The following DAB1 variants were observed in gnomAD, a reference collection of about 807,000 sequenced individuals.
The protein encoded by DAB1 is DAB adaptor protein 1, also known as disabled homolog 1.
Under a neutral mutation model 64.6 loss-of-function variants are expected in DAB1, and 15 were observed. The observed-to-expected ratio is 0.23, with a 90% CI of 0.16 to 0.36. DAB1 has a LOEUF of 0.36. Ranked by LOEUF, DAB1 falls within the 10% of genes least tolerant of loss-of-function variation. DAB1 has a pLI of 1.00. For synonymous variants in DAB1, 235 were observed against 251.9 expected, an observed-to-expected ratio of 0.93 and a Z score of 0.64; for missense variants, 596 against 706.7, an observed-to-expected ratio of 0.84 and a Z score of 1.78.
At chr1:58,091,787 A>G (rs1650671994) in intron 5 of DAB1, among the ~76,000 whole-genome samples, 1 of 151,922 alleles carries the variant, frequency 6.6e-6, no homozygotes. Context: ...AACTAGCACA[A>G]TTTTCTACCT....
chr1:57,691,947 T>C (rs541271775), intron 6 of DAB1, among the ~76,000 whole-genome samples: 2 of 152,224 alleles, frequency 1.3e-5, no homozygotes, highest in South Asian at 4.1e-4. Context: ...TGTCAGGCTT[T>C]CTGGGAAAGG....
Position 57,769,046 on chromosome 1 carries a change from T to C in DAB1, n.551+114953A>G, listed in dbSNP as rs929331843. ...CTTCACCCACCTACAGCCCTGTGTC[T>C]GTGGGGCCATTTCCAGCAGGAGCAC... On this transcript the variant is annotated intron_variant and non_coding_transcript_variant, in intron 6 of 20. Transcript: ENST00000485760. 3.3e-5 allele frequency among the ~76,000 whole-genome samples: 5 copies of C among 152,148 alleles called. No individual in the cohort carries two copies. The East Asian group carries it at 9.6e-4, about 29-fold the overall frequency.
chr1:57,279,293 T>G (rs541280194), intron 2 of DAB1, among the ~76,000 whole-genome samples: 1 of 152,348 alleles, frequency 6.6e-6, no homozygotes, highest in African/African-American at 2.4e-5. Flanking sequence ...TAGTATACTT[T>G]AAATCATCTC....
intron 7 of DAB1, among the ~76,000 whole-genome samples, chr1:57,570,531 G>A (rs1409065913): frequency 6.6e-6 from 1 of 152,006 alleles, no homozygotes; most frequent in Non-Finnish European, 1.5e-5. Flanking sequence ...CCATTGGTCT[G>A]TATGCCTATT....
intron 7 of DAB1, among the ~76,000 whole-genome samples, chr1:57,483,303 T>G (rs1239983995): frequency 1.3e-5 from 2 of 152,136 alleles, no homozygotes; most frequent in African/African-American, 4.8e-5. Flanking sequence ...GGGAGTCCAG[T>G]GGGAAATAAT....
intron 3 of DAB1, among the ~76,000 whole-genome samples, chr1:58,417,784 G>A (rs750527650): frequency 6.6e-6 from 1 of 152,170 alleles, no homozygotes; most frequent in Non-Finnish European, 1.5e-5. Context: ...TGTTAAATGA[G>A]GAAAGTAGCA....
intron 7 of DAB1, among the ~76,000 whole-genome samples, chr1:57,594,871 T>C (rs1461451993): frequency 2.6e-5 from 4 of 152,112 alleles, no homozygotes; most frequent in South Asian, 4.2e-4. Context: ...CCACCACGCC[T>C]GGCTAATTTT....
chr1:58,445,488 T>C (rs1645055173), intron 3 of DAB1, among the ~76,000 whole-genome samples: 1 of 152,212 alleles, frequency 6.6e-6, no homozygotes, highest in South Asian at 2.1e-4. Flanking sequence ...CTTCTTGGGC[T>C]GAGGCCTTCT....
chr1:57,260,248 T>A (rs1233558183), intron 2 of DAB1, among the ~76,000 whole-genome samples: 1 of 152,158 alleles, frequency 6.6e-6, no homozygotes, highest in Non-Finnish European at 1.5e-5. Flanking sequence ...TGATCATAAT[T>A]CAGTCTCAGT....
intron 3 of DAB1, among the ~76,000 whole-genome samples, chr1:58,428,813 AT>A (rs1644844059): frequency 6.6e-6 from 1 of 152,190 alleles, no homozygotes; most frequent in African/African-American, 2.4e-5. Context: ...ATTATCCATA[AT>A]TTTTTAAGGT....
At chr1:58,175,386 T>C (rs1403081008) in intron 4 of DAB1, among the ~76,000 whole-genome samples, 2 of 152,128 alleles carry the variant, frequency 1.3e-5, no homozygotes, top group African/African-American at 4.8e-5. Context: ...ACACCACCTT[T>C]AAGAACTGTA....
intron 1 of DAB1, among the ~76,000 whole-genome samples, chr1:57,356,231 G>A (rs1215348820): frequency 1.3e-5 from 2 of 152,066 alleles, no homozygotes; most frequent in African/African-American, 2.4e-5. Context: ...TTCAAAGACA[G>A]TAAAACTCAA....
chr1:58,416,780 C>T (rs2100213664), intron 3 of DAB1, among the ~76,000 whole-genome samples: 1 of 152,208 alleles, frequency 6.6e-6, no homozygotes, highest in South Asian at 2.1e-4. Context: ...ACAGATCTTC[C>T]TCTGCTTATA....
In DAB1 at chr1:58,246,834, CTG is replaced by C. The variant is rs971647971; in HGVS notation, n.310-96248_310-96247del. On this transcript the variant is annotated intron_variant and non_coding_transcript_variant, in intron 4 of 20. Transcript: ENST00000485760. ...CATGTATGTCAGGGTGTGTGTGACT[CTG>C]TGTGTGAAGGTGTGTGTGTATGTGC... Among the ~76,000 whole-genome samples, 3 of 151,568 alleles carry C rather than the reference CTG, an allele frequency of 2.0e-5. No individual in the cohort carries two copies. The South Asian group carries it at 6.3e-4, about 32-fold the overall frequency.
intron 2 of DAB1, among the ~76,000 whole-genome samples, chr1:57,231,392 ACTT>A (rs1439755227): frequency 6.6e-6 from 1 of 152,138 alleles, no homozygotes; most frequent in Non-Finnish European, 1.5e-5. Context: ...CTACGTATCT[ACTT>A]CTTCCATTCC....
At chr1:57,109,486 ATGGAACT>A (rs1655462858) in intron 4 of DAB1, among the ~76,000 whole-genome samples, 1 of 152,204 alleles carries the variant, frequency 6.6e-6, no homozygotes, top group East Asian at 1.9e-4. Flanking sequence ...TCTGGTATGG[ATGGAACT>A]TGGAGTATGA....
rs189308076 is a variant in DAB1 at position 57,570,942 on chromosome 1, T to G, written n.625+78650A>C. On this transcript the variant is annotated intron_variant and non_coding_transcript_variant, in intron 7 of 20. Coordinates refer to the DAB1 transcript ENST00000485760. ...TTGGTTAGGTATATTCCTAAGTATT[T>G]TATCTGTTAATTGTTTTGCAGCTAT... Among the ~76,000 whole-genome samples, 622 of 152,364 alleles carry G rather than the reference T, an allele frequency of 4.1e-3. 2 individuals carry two copies. The highest frequency in any genetic ancestry group is 5.2e-3 in the Non-Finnish European group (357 of 68,036).
upstream of DAB1, among the ~76,000 whole-genome samples, chr1:57,425,878 G>A (rs2101105401): frequency 6.6e-6 from 1 of 152,180 alleles, no homozygotes; most frequent in East Asian, 1.9e-4. Flanking sequence ...CTTCTACACT[G>A]TGTAGGAAGT....
At position 58,254,855 on chromosome 1, in the gene DAB1, G is replaced by T. The variant is rs1178568452; in HGVS notation, n.309+88497C>A. Among the ~76,000 whole-genome samples, 2 of 83,192 alleles carry T rather than the reference G, an allele frequency of 2.4e-5. 1 individual carries two copies. The highest frequency in any genetic ancestry group is 1.3e-4 in the African/African-American group (2 of 15,446). 54.6% of individuals were successfully genotyped at this position (83,192 alleles called of 152,430 possible). On this transcript the variant is annotated intron_variant and non_coding_transcript_variant, in intron 4 of 20. Coordinates refer to the DAB1 transcript ENST00000485760. The stretch of plus-strand genomic sequence containing the variant: ...GTGAATAATGCCGCAATAAACATAC[G>T]TCTTTATAGCCGCATGTGTCTTTAT...
Sources: allele counts gnomAD v4.1 joint callset (sites outside exome capture counted in the v4.1 genomes callset), GRCh38; gene constraint gnomAD v4.1.1; transcripts MANE v1.5; gene names NCBI Gene and HGNC (gene_info 2026-07-23, HGNC 2026-07-21).